The following SLC2A9 variants were observed in gnomAD, a reference collection of about 807,000 sequenced individuals.
SLC2A9 encodes the protein solute carrier family 2, facilitated glucose transporter member 9.
SLC2A9 carries 39 observed loss-of-function variants against 50.6 expected under a neutral mutation model. That is an observed-to-expected ratio of 0.77 (90% CI 0.60 to 1.01). SLC2A9 has a LOEUF of 1.01. Ranked by LOEUF, SLC2A9 falls within the 50% of genes least tolerant of loss-of-function variation. The pLI, the probability that SLC2A9 is intolerant of heterozygous loss-of-function variation, is 0.00. For missense variants in SLC2A9, 686 were observed against 677.6 expected (o/e 1.01, Z -0.14); for synonymous variants, 324 against 276.9 (o/e 1.17, Z -1.69).
chr4:9,937,103 A>G (rs1372230042), intron 6 of SLC2A9, among the ~76,000 whole-genome samples: 1 of 152,216 alleles, frequency 6.6e-6, no homozygotes, highest in African/African-American at 2.4e-5. Flanking sequence ...AATGGCACCC[A>G]TCACAGGCAC....
intron 4 of SLC2A9, among the ~76,000 whole-genome samples, chr4:9,981,976 G>A (rs575950926): frequency 6.6e-6 from 1 of 152,122 alleles, no homozygotes; most frequent in South Asian, 2.1e-4. Context: ...CCACCTCCCG[G>A]GTTCAAGTGA....
intron 1 of SLC2A9, among the ~76,000 whole-genome samples, chr4:10,020,000 C>T (rs140253713): frequency 5.9e-4 from 89 of 151,868 alleles, no homozygotes; most frequent in Non-Finnish European, 1.1e-3. Context: ...CCAGGTGCTC[C>T]GGAAGGCACC....
chr4:9,813,182 G>T (rs1369895256), intron 3 of SLC2A9, among the ~76,000 whole-genome samples: 1 of 152,110 alleles, frequency 6.6e-6, no homozygotes, highest in Non-Finnish European at 1.5e-5. Context: ...GGAAAATGTG[G>T]GGCAGGCGGG....
At chr4:9,994,285 G>A (rs1758222547) in intron 3 of SLC2A9, among the ~76,000 whole-genome samples, 1 of 152,172 alleles carries the variant, frequency 6.6e-6, no homozygotes, top group Non-Finnish European at 1.5e-5. Context: ...ATGATATATG[G>A]GATGTCAAGG....
rs76451810 is a variant in SLC2A9 at position 9,892,776 on chromosome 4, G to A, written c.1114-2065C>T. Among the ~76,000 whole-genome samples, 5 of 152,262 alleles carry A rather than the reference G, an allele frequency of 3.3e-5. No homozygotes were observed. In the East Asian group the frequency reaches 7.7e-4, roughly 24 times the overall value. On this transcript the variant is annotated intron_variant, in intron 8 of 11. Transcript: ENST00000264784. ...GGGGATCTGGTCCCAACTCTTACCC[G>A]TAGCTGGCTGTGTGGCCTTGAACAA... is the stretch of plus-strand genomic sequence containing the variant.
rs1553879027 is a variant in SLC2A9 at position 9,931,985 on chromosome 4, T to TATATATATATATATATATAC, written c.814+9927_814+9928insGTATATATATATATATATAT. Among the ~76,000 whole-genome samples, 16 of 95,680 alleles carry TATATATATATATATATATAC rather than the reference T, an allele frequency of 1.7e-4. 1 individual carries two copies. The highest frequency in any genetic ancestry group is 2.2e-4 in the African/African-American group (5 of 22,514). The allele number at this position is 95,680 out of a possible 152,430, so 62.8% of individuals were successfully genotyped here. Reference sequence around the variant, plus strand: ...CTCTATATATATATATATATATATATATATATATATATATGCCTTGCCTGA... The same window carrying TATATATATATATATATATAC: ...CTCTATATATATATATATATATATATATATATATATATATATATACATATATATATATATGCCTTGCCTGA... On this transcript the variant is annotated intron_variant, in intron 6 of 11. Transcript: ENST00000264784.
chr4:9,780,000 C>CGGT (rs1409681885), exon 4 of SLC2A9: 11 of 152,082 alleles, frequency 7.2e-5, no homozygotes, highest in African/African-American at 2.4e-4. Context: ...TTTTTGGTGG[C>CGGT]GGTGGTGGTG....
upstream of SLC2A9, chr4:10,025,665 C>T: frequency 1.9e-6 from 1 of 516,794 alleles, no homozygotes; most frequent in Non-Finnish European, 3.5e-6. Flanking sequence ...GACTTTTGCC[C>T]CAAGCCCAGA....
chr4:9,914,547 C>T (rs949459755), intron 7 of SLC2A9, among the ~76,000 whole-genome samples: 1 of 152,206 alleles, frequency 6.6e-6, no homozygotes, highest in Admixed American at 6.5e-5. Flanking sequence ...ACTCACTGGC[C>T]TTGAAGGGTT....
downstream of SLC2A9, chr4:9,826,133 G>T (rs758821897): frequency 1.5e-5 from 7 of 473,752 alleles, no homozygotes; most frequent in Admixed American, 1.7e-4. Flanking sequence ...ATAGAAGAAC[G>T]CTGGGTCTAC....
chr4:9,797,437 G>A (rs960278995), downstream of SLC2A9, among the ~76,000 whole-genome samples: 4 of 152,178 alleles, frequency 2.6e-5, no homozygotes, highest in African/African-American at 9.7e-5. Context: ...TTTAGGCAGA[G>A]GTATTAGAAC....
chr4:9,895,035 AAG>A (rs1230305083), intron 8 of SLC2A9, among the ~76,000 whole-genome samples: 1 of 152,224 alleles, frequency 6.6e-6, no homozygotes, highest in Non-Finnish European at 1.5e-5. Flanking sequence ...GTTTTTAAAA[AAG>A]AGTTTCAAGT....
At chr4:9,917,235 A>G (rs113310882) in intron 7 of SLC2A9, among the ~76,000 whole-genome samples, 2,707 of 151,776 alleles carry the variant, frequency 0.018, 30 homozygotes, top group Middle Eastern at 0.054. Flanking sequence ...TGTGTAAGGC[A>G]GAGGGAAAAA....
intron 5 of SLC2A9, among the ~76,000 whole-genome samples, chr4:9,979,922 C>A (rs536216955): frequency 2.0e-5 from 3 of 151,844 alleles, no homozygotes; most frequent in African/African-American, 7.3e-5. Flanking sequence ...CTGTCCCAAT[C>A]CCCATCATCA....
chr4:9,791,889 C>T (rs527807011), intron 3 of SLC2A9, among the ~76,000 whole-genome samples: 32 of 152,260 alleles, frequency 2.1e-4, no homozygotes, highest in Middle Eastern at 6.8e-3. Flanking sequence ...CTGTTTTAAG[C>T]CGCTAAGTTC....
At chr4:9,888,496 G>A (rs1736722821) in intron 9 of SLC2A9, among the ~76,000 whole-genome samples, 1 of 152,020 alleles carries the variant, frequency 6.6e-6, no homozygotes, top group African/African-American at 2.4e-5. Context: ...GTGCTGGTTG[G>A]GATTGCTCCT....
chr4:9,937,173 AG>A (rs1747242080), intron 6 of SLC2A9, among the ~76,000 whole-genome samples: 1 of 152,174 alleles, frequency 6.6e-6, no homozygotes, highest in African/African-American at 2.4e-5. Flanking sequence ...ATCTAAAGTG[AG>A]GCTGGTCCTT....
intron 3 of SLC2A9, among the ~76,000 whole-genome samples, chr4:9,990,508 T>C (rs971859550): frequency 6.6e-6 from 1 of 152,160 alleles, no homozygotes; most frequent in Non-Finnish European, 1.5e-5. Context: ...GAAAGTCCTG[T>C]GTGAGCTCAG....
chr4:9,790,810 T>G (rs1160235732), intron 3 of SLC2A9, among the ~76,000 whole-genome samples: 3 of 152,218 alleles, frequency 2.0e-5, no homozygotes, highest in Non-Finnish European at 4.4e-5. Context: ...ATAGCCACAA[T>G]CGAAAAACAC....
Sources: gnomAD v4.1 joint callset for allele counts (sites outside exome capture counted in the v4.1 genomes callset) on GRCh38, gnomAD v4.1.1 for gene constraint, MANE v1.5 for transcripts, NCBI Gene and HGNC (gene_info 2026-07-23, HGNC 2026-07-21) for gene names.